EIF2A: variants seen among roughly 807,000 people sequenced by gnomAD.
EIF2A encodes eukaryotic translation initiation factor 2A.
EIF2A carries 62 observed loss-of-function variants against 75.2 expected under a neutral mutation model. The observed-to-expected ratio is 0.82, with a 90% CI of 0.67 to 1.02. The LOEUF (loss-of-function observed/expected upper bound fraction) is 1.02, where lower values mean the gene tolerates loss of function less well. Among genes scored for constraint, EIF2A ranks in the 50% least tolerant of loss-of-function variants. The pLI is 0.00. For missense variants in EIF2A, 611 were observed against 677.7 expected, an observed-to-expected ratio of 0.90 and a Z score of 1.09; for synonymous variants, 207 against 239.0, an observed-to-expected ratio of 0.87 and a Z score of 1.23.
At chr3:150,560,898 A>G (rs2107920036) in intron 3 of EIF2A, among the ~76,000 whole-genome samples, 1 of 152,232 alleles carries the variant, frequency 6.6e-6, no homozygotes, top group East Asian at 1.9e-4. Context: ...AAATGATGAC[A>G]TTTGTAAGAT....
At position 150,572,042 on chromosome 3, in the gene EIF2A, C is replaced by T. The variant is rs748715488; in HGVS notation, c.896C>T (p.Ala299Val). ...CAVYGFMPAK[A>V]TIFNLKCDPV... is the part of the protein sequence containing the mutation. The stretch of plus-strand genomic sequence containing the variant: ...GTATATGGTTTTATGCCTGCCAAAG[C>T]GACAATTTTCAACTTGAAATGTGAT... The change falls in exon 10 of 14, where the codon GCG becomes GTG. Residue 299 changes from alanine (A) to valine (V), a missense_variant. Physicochemically the swap from Ala to Val is moderately conservative, Grantham distance 64. Transcript: ENST00000460851. The T allele has an allele frequency of 3.1e-5, 50 of 1,613,774 alleles. No individual in the cohort carries two copies. Among genetic ancestry groups the T allele is most frequent in the South Asian group, 4.4e-5 (4 of 91,082 alleles).
At chr3:150,562,699 C>A in intron 4 of EIF2A, 39 bp downstream of exon 4, 3 of 1,484,462 alleles carry the variant, frequency 2.0e-6, no homozygotes, top group South Asian at 1.2e-5. Flanking sequence ...CTGACACGAT[C>A]AATTACGTTT....
At position 150,575,742 on chromosome 3, in the gene EIF2A, G is replaced by A. The variant is rs766961921; in HGVS notation, c.1477G>A (p.Ala493Thr). 1 of 1,611,268 alleles carries A rather than the reference G, an allele frequency of 6.2e-7. No individual in the cohort carries two copies. The highest frequency in any genetic ancestry group is 8.5e-7 in the Non-Finnish European group (1 of 1,178,812). The change falls in exon 11 of 14, where the codon GCT (alanine) becomes ACT (threonine). Residue 493 changes from alanine to threonine, a missense_variant. Ala to Thr is a moderately conservative substitution (Grantham distance 58, BLOSUM62 0). Transcript: ENST00000460851. ...TALKNQRKHE[A>T]KKAAKQEARS... ...TCTTAAAAATCAAAGGAAGCATGAA[G>A]CTAAGAAAGCTGCAAAGCAGGTATT... is the stretch of plus-strand genomic sequence containing the variant.
In EIF2A at chr3:150,583,224, A is replaced by G; in HGVS notation, c.1651A>G (p.Lys551Glu). Residue 551 changes from lysine (K) to glutamate (E), a missense_variant, in exon 13 of 14, where the codon AAA (lysine) becomes GAA (glutamate). Physicochemically the swap from Lys to Glu is moderately conservative, Grantham distance 56. Transcript: ENST00000460851. Reference protein sequence around the residue: ...KKKLKAIEQLKEQAATGKQLE... With the variant: ...KKKLKAIEQLEEQAATGKQLE... Reference sequence around the variant, plus strand: ...GAAACTGAAAGCAATCGAACAACTGAAAGAACAAGCAGCAACTGGAAAACA... The same window carrying G: ...GAAACTGAAAGCAATCGAACAACTGGAAGAACAAGCAGCAACTGGAAAACA... 1.9e-6 allele frequency: 3 copies of G among 1,613,200 alleles called. No homozygotes were observed. The highest frequency in any genetic ancestry group is 2.5e-6 in the Non-Finnish European group (3 of 1,179,608).
At chr3:150,573,730 A>G (rs1324188941) in intron 10 of EIF2A, among the ~76,000 whole-genome samples, 1 of 152,196 alleles carries the variant, frequency 6.6e-6, no homozygotes, top group African/African-American at 2.4e-5. Context: ...TACTGTCAAG[A>G]AATTACTAGA....
chr3:150,553,181 G>T (rs375670476), intron 2 of EIF2A, among the ~76,000 whole-genome samples: 8 of 152,034 alleles, frequency 5.3e-5, no homozygotes, highest in East Asian at 1.9e-4. Context: ...AGCCGGGTGT[G>T]GGGGCAGGCG....
In EIF2A at chr3:150,563,547, C is replaced by A; in HGVS notation, c.325C>A (p.Leu109Ile). The A allele has an allele frequency of 1.3e-6, 2 of 1,546,462 alleles. No individual in the cohort carries two copies. The highest frequency in any genetic ancestry group is 4.9e-5 in the East Asian group (2 of 41,082). Residue 109 changes from leucine (L) to isoleucine (I), a missense_variant, in exon 5 of 14, where the codon CTA (leucine) becomes ATA (isoleucine). Leu to Ile is a conservative substitution (Grantham distance 5). Transcript: ENST00000460851. ...AGATGGCACAGCTGGGATACCCAAC[C>A]TACAACTTTATGATGTGAAAACTGG... is the stretch of plus-strand genomic sequence containing the variant. Reference protein sequence around the residue: ...SKDGTAGIPNLQLYDVKTGTC... With the variant: ...SKDGTAGIPNIQLYDVKTGTC...
intron 3 of EIF2A, among the ~76,000 whole-genome samples, chr3:150,560,634 G>A (rs1233427889): frequency 6.6e-6 from 1 of 151,272 alleles, no homozygotes; most frequent in Non-Finnish European, 1.5e-5. Flanking sequence ...TTCAGTGACT[G>A]CTTATCTTAA....
rs915797993 is a variant in EIF2A at position 150,584,698 on chromosome 3, A to G, written c.*787A>G. On this transcript the variant is annotated 3_prime_UTR_variant, in exon 14 of 14. Coordinates refer to ENST00000460851, the MANE Select transcript of EIF2A (RefSeq NM_032025.5). Reference sequence around the variant, plus strand: ...CATGTATTTTTATCAGAGATGGGTTATGTACTTTTCCACGTTTGATAGTTG... The same window carrying G: ...CATGTATTTTTATCAGAGATGGGTTGTGTACTTTTCCACGTTTGATAGTTG... Among the ~76,000 whole-genome samples, 4 of 152,198 alleles carry G rather than the reference A, an allele frequency of 2.6e-5. No individual in the cohort carries two copies. The highest frequency in any genetic ancestry group is 9.6e-5 in the African/African-American group (4 of 41,454).
chr3:150,576,704 A>G (rs890246062), intron 11 of EIF2A, among the ~76,000 whole-genome samples: 1 of 152,216 alleles, frequency 6.6e-6, no homozygotes, highest in African/African-American at 2.4e-5. Flanking sequence ...GTATTTACTA[A>G]GAGAAGCTGG....
At chr3:150,562,175 C>T (rs996122633) in intron 3 of EIF2A, among the ~76,000 whole-genome samples, 6 of 152,120 alleles carry the variant, frequency 3.9e-5, no homozygotes, top group African/African-American at 1.4e-4. Context: ...GTAATCCCAG[C>T]ACTTTGGGAG....
intron 10 of EIF2A, 49 bp downstream of exon 10, chr3:150,572,578 G>A: frequency 6.6e-7 from 1 of 1,525,184 alleles, no homozygotes; most frequent in South Asian, 1.3e-5. Flanking sequence ...TTTTGGGCCA[G>A]GAGTGGTGGT....
Position 150,572,455 on chromosome 3 carries a change from A to C in EIF2A, c.1309A>C (p.Asn437His). The C allele has an allele frequency of 6.2e-7, 1 of 1,614,056 alleles. No individual in the cohort carries two copies. Among genetic ancestry groups the C allele is most frequent in the Non-Finnish European group, 8.5e-7 (1 of 1,179,904 alleles). ...TYQAVPSEVP[N>H]EEPKVATAYR... ...CCAAGCAGTTCCAAGTGAAGTACCCAATGAGGAACCTAAAGTTGCAACAGC... is the reference window on the plus strand; with the variant it reads ...CCAAGCAGTTCCAAGTGAAGTACCCCATGAGGAACCTAAAGTTGCAACAGC... Residue 437 changes from asparagine (N) to histidine (H), a missense_variant, in exon 10 of 14, where the codon AAT becomes CAT. Physicochemically the swap from Asn to His is moderately conservative, Grantham distance 68. Transcript: ENST00000460851.
intron 9 of EIF2A, among the ~76,000 whole-genome samples, chr3:150,569,472 AAC>A (rs1219759930): frequency 6.6e-6 from 1 of 152,092 alleles, no homozygotes; most frequent in African/African-American, 2.4e-5. Context: ...TTGAAAAATG[AAC>A]ACACAAGAAT....
chr3:150,583,993 C>A lies in EIF2A; in HGVS notation c.*82C>A. 7.9e-7 allele frequency: 1 copy of A among 1,272,336 alleles called. No homozygotes were observed. The highest frequency in any genetic ancestry group is 1.1e-6 in the Non-Finnish European group (1 of 893,002). 78.8% of individuals were successfully genotyped at this position (1,272,336 alleles called of 1,614,324 possible). On this transcript the variant is annotated 3_prime_UTR_variant, in exon 14 of 14. Transcript: ENST00000460851. ...AACCCATTGGTATACACAGAATATT[C>A]CTGTGCCCACACTTAATGTCAATCT...
chr3:150,565,368 A>G (rs1724114871), intron 6 of EIF2A: 1 of 325,286 alleles, frequency 3.1e-6, no homozygotes, highest in Non-Finnish European at 6.1e-6. Flanking sequence ...CAGTGGTTGC[A>G]AATTGTTGAT....
At position 150,585,878 on chromosome 3, in the gene EIF2A, G is replaced by C. The variant is rs1725452537; in HGVS notation, c.*1967G>C. On this transcript the variant is annotated 3_prime_UTR_variant, in exon 14 of 14. Transcript: ENST00000460851. ...CAGAGAGCTTGTTCTGTCTCTTTGGGCCATGTGAAGACATGGTGAGAAAGC... is the reference window on the plus strand; with the variant it reads ...CAGAGAGCTTGTTCTGTCTCTTTGGCCCATGTGAAGACATGGTGAGAAAGC... 6.6e-6 allele frequency among the ~76,000 whole-genome samples: 1 copy of C among 152,170 alleles called. No homozygotes were observed. Among genetic ancestry groups the C allele is most frequent in the Non-Finnish European group, 1.5e-5 (1 of 68,034 alleles).
intron 6 of EIF2A, chr3:150,566,659 C>T (rs923015382): frequency 1.3e-5 from 2 of 152,084 alleles, no homozygotes; most frequent in African/African-American, 4.8e-5. Context: ...AATCTTGTTA[C>T]TCTGGAATAC....
At chr3:150,581,880 A>G (rs1455778477) in intron 12 of EIF2A, 134 bp downstream of exon 12, 6 of 1,040,668 alleles carry the variant, frequency 5.8e-6, no homozygotes, top group African/African-American at 3.2e-5. Flanking sequence ...TTTTCTCACT[A>G]TGAAGCACTG....
Sources: allele counts gnomAD v4.1 joint callset (sites outside exome capture counted in the v4.1 genomes callset), GRCh38; gene constraint gnomAD v4.1.1; transcripts MANE v1.5; gene names NCBI Gene and HGNC (gene_info 2026-07-23, HGNC 2026-07-21).